The following TBX1 variants were observed in gnomAD, a reference collection of about 807,000 sequenced individuals.
TBX1 encodes the protein T-box transcription factor 1.
In TBX1, 16 loss-of-function variants were observed where a neutral mutation model predicts 40.8. The ratio of observed to expected loss-of-function variants is 0.39; its 90% CI spans 0.27 to 0.60. TBX1 has a LOEUF of 0.60. Ranked by LOEUF, TBX1 falls within the 20% of genes least tolerant of loss-of-function variation. TBX1 has a pLI of 0.51. For missense variants in TBX1, 755 were observed against 728.5 expected, an observed-to-expected ratio of 1.04 and a Z score of -0.42; for synonymous variants, 403 against 336.8, an observed-to-expected ratio of 1.20 and a Z score of -2.15.
Position 19,766,487 on chromosome 22 carries a change from A to T in TBX1, c.1135A>T (p.Ser379Cys). The T allele has an allele frequency of 2.3e-6, 3 of 1,316,256 alleles. No homozygotes were observed. The highest frequency in any genetic ancestry group is 2.9e-6 in the Non-Finnish European group (3 of 1,030,264). 81.5% of individuals were successfully genotyped at this position (1,316,256 alleles called of 1,614,324 possible). ...HPPQLLARVLSPSLPGAGGAG... is the reference protein window; with the variant it reads ...HPPQLLARVLCPSLPGAGGAG... ...TCCGCAGCTGCTGGCCCGGGTGCTAAGCCCCTCGCTGCCCGGGGCCGGCGG... is the reference window on the plus strand; with the variant it reads ...TCCGCAGCTGCTGGCCCGGGTGCTATGCCCCTCGCTGCCCGGGGCCGGCGG... The change falls in exon 7 of 7, where the codon AGC (serine) becomes TGC (cysteine). Residue 379 changes from serine to cysteine, a missense_variant. Physicochemically the swap from Ser to Cys is moderately radical, Grantham distance 112. Transcript: ENST00000649276.
chr22:19,763,475 A>G, intron 2 of TBX1, 133 bp downstream of exon 2: 1 of 754,738 alleles, frequency 1.3e-6, no homozygotes, highest in South Asian at 1.6e-5. Flanking sequence ...TGCCCGATCA[A>G]CCCGCTCCCT....
At chr22:19,764,592 C>G (rs991953927) in intron 3 of TBX1, among the ~76,000 whole-genome samples, 1 of 152,244 alleles carries the variant, frequency 6.6e-6, no homozygotes, top group African/African-American at 2.4e-5. Context: ...AGGGGTCGCC[C>G]TCCTTCTCTC....
chr22:19,761,328 C>T (rs1206000541), intron 1 of TBX1, 48 bp downstream of exon 1: 3 of 1,510,584 alleles, frequency 2.0e-6, no homozygotes, highest in African/African-American at 2.9e-5. Context: ...GTGCTGCCGC[C>T]AGGGCTGCGG....
chr22:19,780,881 C>T (rs1489964252), downstream of TBX1, among the ~76,000 whole-genome samples: 2 of 144,864 alleles, frequency 1.4e-5, no homozygotes, highest in Non-Finnish European at 3.0e-5. Context: ...CTCCTGGGTT[C>T]ATGCCATTCT....
At chr22:19,779,862 C>T (rs901693201), downstream of TBX1, among the ~76,000 whole-genome samples, 6 of 152,256 alleles carry the variant, frequency 3.9e-5, no homozygotes, top group African/African-American at 1.4e-4. Flanking sequence ...ACCCACATCA[C>T]TCGGGAAAAG....
intron 2 of TBX1, chr22:19,763,657 C>T: frequency 2.2e-6 from 1 of 453,130 alleles, no homozygotes; most frequent in Non-Finnish European, 4.0e-6. Flanking sequence ...TCCCAGGAGG[C>T]CGGCCTGAGC....
downstream of TBX1, chr22:19,783,464 C>G (rs1298171176): frequency 7.2e-6 from 2 of 277,196 alleles, no homozygotes; most frequent in East Asian, 1.9e-4. Context: ...GCAGGAGGAT[C>G]ACTTGAGCCT....
At chr22:19,764,926 C>T (rs537730208) in intron 3 of TBX1, 32 bp from the exon 4 acceptor site, 60 of 1,613,514 alleles carry the variant, frequency 3.7e-5, no homozygotes, top group Non-Finnish European at 4.5e-5. Flanking sequence ...CCAGCCCCAC[C>T]GCTGGAGCTG....
chr22:19,780,776 G>GT (rs564336679), downstream of TBX1, among the ~76,000 whole-genome samples: 17,003 of 117,240 alleles, frequency 0.15, 2,378 homozygotes, highest in East Asian at 0.34. Flanking sequence ...CTTGTTTTCT[G>GT]TTTTTTTTTT....
intron 4 of TBX1, 50 bp downstream of exon 4, chr22:19,765,163 C>T (rs1264262151): frequency 1.2e-6 from 2 of 1,613,142 alleles, no homozygotes; most frequent in South Asian, 1.1e-5. Flanking sequence ...TCTGGAAAAG[C>T]GGGTGTAATT....
In TBX1 at chr22:19,779,457, T is replaced by C. The variant is rs758793794; in HGVS notation, c.*50T>C. ...ATGGAGTTGTCGTGTTTCCCTTCAC[T>C]TTGGTTCATGTTTGAAATTTCCAAA... On this transcript the variant is annotated 3_prime_UTR_variant, in exon 9 of 9. Coordinates refer to the TBX1 transcript ENST00000329705. 1.6e-4 allele frequency: 251 copies of C among 1,612,772 alleles called. 1 individual carries two copies. Among genetic ancestry groups the C allele is most frequent in the Admixed American group, 1.5e-3 (89 of 59,946 alleles).
In TBX1 at chr22:19,766,959, G is replaced by A. The variant is rs373863680; in HGVS notation, c.*92G>A. The A allele has an allele frequency of 3.3e-6, 5 of 1,512,162 alleles. No homozygotes were observed. Among genetic ancestry groups the A allele is most frequent in the African/African-American group, 1.4e-5 (1 of 70,526 alleles). 93.7% of individuals were successfully genotyped at this position (1,512,162 alleles called of 1,614,324 possible). A position where few individuals can be genotyped will look rare whatever the true frequency, so the allele number is the denominator to read the frequency against. On this transcript the variant is annotated 3_prime_UTR_variant, in exon 7 of 7. Transcript: ENST00000649276. ...TGCCCCAAGGGCAAGCAAGGAATAC[G>A]TTCCCCCAGCCCCAGGGGCCACCGC...
rs200135498 is a variant in TBX1, at chr22:19,766,594, C to T, written c.1242C>T (p.Pro414=). ...PPNPELRLEA[P]GASEPLHHHP... ...ACCCCGAGCTGCGCCTGGAGGCGCC[C>T]GGCGCATCGGAGCCGCTGCACCACC... The change falls in exon 7 of 7, where the codon CCC becomes CCT. Residue 414 remains proline (P), a synonymous_variant. Transcript: ENST00000649276. The T allele has an allele frequency of 2.5e-4, 365 of 1,485,154 alleles. No homozygotes were observed. Among genetic ancestry groups the T allele is most frequent in the Middle Eastern group, 4.3e-4 (2 of 4,600 alleles). 92.0% of individuals were successfully genotyped at this position (1,485,154 alleles called of 1,614,324 possible). A position where few individuals can be genotyped will look rare whatever the true frequency, so the allele number is the denominator to read the frequency against.
At chr22:19,768,890 T>C (rs1424372226), downstream of TBX1, among the ~76,000 whole-genome samples, 1 of 149,558 alleles carries the variant, frequency 6.7e-6, no homozygotes, top group African/African-American at 2.5e-5. Context: ...GGGATGGCCA[T>C]GCAAGATGGA....
rs1471027144 is a variant in TBX1 at position 19,767,293 on chromosome 22, G to A, written c.*426G>A. On this transcript the variant is annotated 3_prime_UTR_variant, in exon 7 of 7. Transcript: ENST00000649276. Reference sequence around the variant, plus strand: ...AGATACTGTAGATACTGTAGATACCGCCCCGGCGCCGACTTGATAAACGGT... The same window carrying A: ...AGATACTGTAGATACTGTAGATACCACCCCGGCGCCGACTTGATAAACGGT... The A allele has an allele frequency of 5.0e-6, 5 of 994,020 alleles. No individual in the cohort carries two copies. In the African/African-American group the frequency reaches 8.7e-5, roughly 17 times the overall value. The allele number at this position is 994,020 out of a possible 1,614,324, so 61.6% of individuals were successfully genotyped here.
chr22:19,759,797 G>C, upstream of TBX1: 4 of 1,212,570 alleles, frequency 3.3e-6, no homozygotes, highest in Non-Finnish European at 4.7e-6. Context: ...CCAGGCTTCT[G>C]GCTGCGATTC....
At position 19,766,985 on chromosome 22, in the gene TBX1, G is replaced by A. The variant is rs72646969; in HGVS notation, c.*118G>A. Reference sequence around the variant, plus strand: ...TTCCCCCAGCCCCAGGGGCCACCGCGGCTCTCCCCTTCCCCAGCCTCGAAG... The same window carrying A: ...TTCCCCCAGCCCCAGGGGCCACCGCAGCTCTCCCCTTCCCCAGCCTCGAAG... On this transcript the variant is annotated 3_prime_UTR_variant, in exon 7 of 7. Coordinates refer to ENST00000649276, the MANE Select transcript of TBX1 (RefSeq NM_001379200.1). The A allele has an allele frequency of 0.015, 21,391 of 1,447,094 alleles. 238 individuals carry two copies. Among genetic ancestry groups the A allele is most frequent in the Middle Eastern group, 0.054 (217 of 3,992 alleles). The allele number at this position is 1,447,094 out of a possible 1,614,324, so 89.6% of individuals were successfully genotyped here.
In TBX1 at chr22:19,766,738, C is replaced by G. The variant is rs1172793466; in HGVS notation, c.1386C>G (p.His462Gln). The change falls in exon 7 of 7, where the codon CAC becomes CAG. Residue 462 changes from histidine to glutamine, a missense_variant. By Grantham distance (24) the His-to-Gln change is conservative. Coordinates refer to ENST00000649276, the MANE Select transcript of TBX1 (RefSeq NM_001379200.1). The part of the protein sequence containing the change: ...GHGYHPHAHP[H>Q]HHHHPVSPAA... Reference sequence around the variant, plus strand: ...GCTACCACCCGCACGCGCATCCGCACCACCACCACCACCCCGTGAGTCCAG... The same window carrying G: ...GCTACCACCCGCACGCGCATCCGCAGCACCACCACCACCCCGTGAGTCCAG... 1 of 1,532,926 alleles carries G rather than the reference C, an allele frequency of 6.5e-7. No individual in the cohort carries two copies. The highest frequency in any genetic ancestry group is 1.2e-5 in the South Asian group (1 of 84,140). 95.0% of individuals were successfully genotyped at this position (1,532,926 alleles called of 1,614,324 possible).
At position 19,762,461 on chromosome 22, in the gene TBX1, TGTG is replaced by T. The variant is rs1303235821; in HGVS notation, c.438-778_438-776del. The stretch of plus-strand genomic sequence containing the variant: ...CACGGCCACTACTGCTGTGCCATCA[TGTG>T]GGGGTAGCCCATGGCCTACACCCGT... On this transcript the variant is annotated intron_variant, in intron 1 of 6. Transcript: ENST00000649276. 6.6e-5 allele frequency among the ~76,000 whole-genome samples: 10 copies of T among 152,352 alleles called. No individual in the cohort carries two copies. In the East Asian group the frequency reaches 1.9e-3, roughly 29 times the overall value.
Sources: allele counts gnomAD v4.1 joint callset (sites outside exome capture counted in the v4.1 genomes callset), GRCh38; gene constraint gnomAD v4.1.1; transcripts MANE v1.5; gene names NCBI Gene and HGNC (gene_info 2026-07-23, HGNC 2026-07-21).